Variants in LTBP2 observed in about 807,000 individuals in gnomAD.
LTBP2 encodes latent transforming growth factor beta binding protein 2, also known as latent-transforming growth factor beta-binding protein 2.
Under a neutral mutation model 210.6 loss-of-function variants are expected in LTBP2, and 103 were observed. That is an observed-to-expected ratio of 0.49 (90% CI 0.42 to 0.58). The LOEUF is 0.58. LTBP2 is among the 20% of genes least tolerant of loss of function. The pLI, the probability that LTBP2 is intolerant of heterozygous loss-of-function variation, is 0.00. For synonymous variants in LTBP2, 1,007 were observed against 1,015.0 expected, an observed-to-expected ratio of 0.99 and a Z score of 0.15; for missense variants, 2,313 against 2,494.5, an observed-to-expected ratio of 0.93 and a Z score of 1.55.
intron 7 of LTBP2, among the ~76,000 whole-genome samples, chr14:74,550,520 G>C (rs2087638168): frequency 6.6e-6 from 1 of 152,168 alleles, no homozygotes; most frequent in Non-Finnish European, 1.5e-5. Flanking sequence ...TACTGGGTCT[G>C]GTCTAACCCC....
intron 2 of LTBP2, among the ~76,000 whole-genome samples, chr14:74,592,361 T>G (rs2088294247): frequency 6.6e-6 from 1 of 152,116 alleles, no homozygotes; most frequent in South Asian, 2.1e-4. Flanking sequence ...ATGCCTCCAA[T>G]TTTTCCTCAA....
chr14:74,588,114 T>C (rs1162639439), intron 2 of LTBP2, among the ~76,000 whole-genome samples: 7 of 152,352 alleles, frequency 4.6e-5, no homozygotes, highest in African/African-American at 1.4e-4. Context: ...CACCCACCTC[T>C]CAGCAGCTGC....
At chr14:74,567,867 C>T (rs996614528) in intron 3 of LTBP2, among the ~76,000 whole-genome samples, 2 of 152,166 alleles carry the variant, frequency 1.3e-5, no homozygotes, top group Non-Finnish European at 2.9e-5. Context: ...ACCCAGGGCC[C>T]GCAGGCAGTC....
Position 74,498,530 on chromosome 14 carries a change from TAAAAA to T in LTBP2, c.*2349_*2353del. 4.5e-6 allele frequency: 1 copy of T among 222,648 alleles called. No individual in the cohort carries two copies. The highest frequency in any genetic ancestry group is 9.0e-6 in the Non-Finnish European group (1 of 111,720). 13.8% of individuals were successfully genotyped at this position (222,648 alleles called of 1,614,324 possible). ...AATGAGGCAGCTCTAATTGCAAGTA[TAAAAA>T]AAAAGCAAAGTGCAGAACAGCATGC... is the stretch of plus-strand genomic sequence containing the variant. On this transcript the variant is annotated 3_prime_UTR_variant, in exon 36 of 36. Coordinates refer to ENST00000261978, the MANE Select transcript of LTBP2 (RefSeq NM_000428.3).
intron 17 of LTBP2, among the ~76,000 whole-genome samples, chr14:74,520,249 T>G (rs1029098990): frequency 8.5e-5 from 13 of 152,236 alleles, no homozygotes; most frequent in African/African-American, 3.1e-4. Flanking sequence ...TCCATTCCTA[T>G]TCATGCTCCA....
chr14:74,564,153 A>T (rs1414099270), intron 3 of LTBP2, among the ~76,000 whole-genome samples: 4 of 32,298 alleles, frequency 1.2e-4, no homozygotes, highest in Admixed American at 5.9e-4. Flanking sequence ...ATATATATTT[A>T]TATATATATT....
chr14:74,603,992 A>G (rs2088485929), intron 1 of LTBP2, among the ~76,000 whole-genome samples: 1 of 152,116 alleles, frequency 6.6e-6, no homozygotes, highest in South Asian at 2.1e-4. Context: ...AACATCTGAC[A>G]TAAAGAAGGC....
At chr14:74,543,201 AC>A (rs1416636116) in intron 8 of LTBP2, among the ~76,000 whole-genome samples, 1 of 151,078 alleles carries the variant, frequency 6.6e-6, no homozygotes, top group African/African-American at 2.4e-5. Flanking sequence ...ACACGGTGAA[AC>A]TCCGTCTCTC....
intron 10 of LTBP2, among the ~76,000 whole-genome samples, chr14:74,529,654 G>C (rs1040006771): frequency 2.6e-5 from 4 of 152,202 alleles, no homozygotes; most frequent in African/African-American, 9.7e-5. Context: ...TGCGTGGATG[G>C]CTAGGTCAAT....
intron 8 of LTBP2, among the ~76,000 whole-genome samples, chr14:74,539,230 G>T (rs1595262112): frequency 6.6e-6 from 1 of 152,334 alleles, no homozygotes; most frequent in East Asian, 1.9e-4. Flanking sequence ...TCAGTGAGGG[G>T]TAAGTAACTG....
chr14:74,611,960 G>C lies in LTBP2; in HGVS notation c.-16C>G. The C allele has an allele frequency of 1.3e-6, 2 of 1,556,322 alleles. No homozygotes were observed. Among genetic ancestry groups the C allele is most frequent in the South Asian group, 1.2e-5 (1 of 86,434 alleles). On this transcript the variant is annotated 5_prime_UTR_variant, in exon 1 of 36. Coordinates refer to ENST00000261978, the MANE Select transcript of LTBP2 (RefSeq NM_000428.3). ...GCGGCCTCATGGCGCGGGGCGGCTG[G>C]AGAGTGGTGCGCGCGGGCACCGCGA... is the stretch of plus-strand genomic sequence containing the variant.
intron 35 of LTBP2, 71 bp from the exon 36 acceptor site, chr14:74,501,100 T>G: frequency 8.7e-5 from 133 of 1,531,570 alleles, no homozygotes; most frequent in Non-Finnish European, 1.1e-4. Flanking sequence ...CCTCTCTGGT[T>G]AGTAAGCCCT....
intron 3 of LTBP2, among the ~76,000 whole-genome samples, chr14:74,560,818 G>C (rs1295232802): frequency 6.6e-6 from 1 of 152,180 alleles, no homozygotes; most frequent in African/African-American, 2.4e-5. Context: ...CATTTGCACT[G>C]TATTAGGTAT....
In LTBP2 at chr14:74,552,241, G is replaced by A. The variant is rs1320462579; in HGVS notation, c.1345C>T (p.Leu449=). 7.4e-6 allele frequency: 12 copies of A among 1,612,850 alleles called. No individual in the cohort carries two copies. The highest frequency in any genetic ancestry group is 2.7e-5 in the African/African-American group (2 of 74,932). Residue 449 remains leucine, a synonymous_variant, in exon 6 of 36, where the codon CTG becomes TTG. Transcript: ENST00000261978. The stretch of plus-strand genomic sequence containing the variant: ...GTGGACTGCTTCAGTGGGGCTTCCA[G>A]CAAGGCCCTGGGGCGGGACCCCCTC... ...PGRGSRPRAL[L]EAPLKQSTFT...
intron 3 of LTBP2, among the ~76,000 whole-genome samples, chr14:74,559,534 G>A (rs1039364506): frequency 3.0e-4 from 45 of 152,198 alleles, no homozygotes; most frequent in Admixed American, 2.7e-3. Context: ...AGAGGCTCTC[G>A]CTGTGTGGAG....
chr14:74,563,093 A>G (rs1595277902), intron 3 of LTBP2, among the ~76,000 whole-genome samples: 1 of 152,302 alleles, frequency 6.6e-6, no homozygotes, highest in South Asian at 2.1e-4. Context: ...CACACAGCCA[A>G]TGACTGCCTG....
At chr14:74,510,846 C>T (rs1393564001) in intron 19 of LTBP2, among the ~76,000 whole-genome samples, 2 of 152,246 alleles carry the variant, frequency 1.3e-5, no homozygotes, top group Non-Finnish European at 2.9e-5. Flanking sequence ...AGGAGCGCCC[C>T]GCTGTGCGGT....
At position 74,539,339 on chromosome 14, in the gene LTBP2, A is replaced by AAG. The variant is rs796412301; in HGVS notation, c.1790-3341_1790-3340dup. Among the ~76,000 whole-genome samples the AAG allele has an allele frequency of 2.7e-3, 412 of 151,614 alleles. 2 individuals are homozygous for AAG. The highest frequency in any genetic ancestry group is 9.1e-3 in the African/African-American group (378 of 41,444). ...CTCCTACCTTCCACTGTGCTTCTCTAAGAGAGAGAGAGAGATCAGGAAGAG... is the reference window on the plus strand; with the variant it reads ...CTCCTACCTTCCACTGTGCTTCTCTAAGAGAGAGAGAGAGAGATCAGGAAGAG... On this transcript the variant is annotated intron_variant, in intron 8 of 35. Coordinates refer to ENST00000261978, the MANE Select transcript of LTBP2 (RefSeq NM_000428.3).
intron 8 of LTBP2, among the ~76,000 whole-genome samples, chr14:74,545,155 A>G (rs1163220860): frequency 6.6e-6 from 1 of 152,216 alleles, no homozygotes; most frequent in Non-Finnish European, 1.5e-5. Flanking sequence ...AGGTCTCCCC[A>G]GAATGATTAG....
Sources: gnomAD v4.1 joint callset for allele counts (sites outside exome capture counted in the v4.1 genomes callset) on GRCh38, gnomAD v4.1.1 for gene constraint, MANE v1.5 for transcripts, NCBI Gene and HGNC (gene_info 2026-07-23, HGNC 2026-07-21) for gene names.